WWOX: variants seen among roughly 807,000 people sequenced by gnomAD.
WWOX encodes the protein WW domain-containing oxidoreductase.
A neutral mutation model predicts 46.2 loss-of-function variants in WWOX; 69 were observed. The observed-to-expected ratio is 1.49, with a 90% confidence interval of 1.23 to 1.82. The LOEUF is 1.82. Ranked by LOEUF, WWOX falls within the 40% of genes most tolerant of loss-of-function variation. WWOX has a pLI of 0.00. For synonymous variants in WWOX, 359 were observed against 202.6 expected (o/e 1.77, Z -6.56); for missense variants, 919 against 542.6 (o/e 1.69, Z -6.89).
intron 8 of WWOX, among the ~76,000 whole-genome samples, chr16:78,900,361 C>T (rs965275459): frequency 3.3e-5 from 5 of 152,116 alleles, no homozygotes; most frequent in African/African-American, 4.8e-5. Flanking sequence ...AGTATGCACG[C>T]TCATATTATT....
At chr16:79,090,182 A>G (rs961579583) in intron 8 of WWOX, 3 of 152,102 alleles carry the variant, frequency 2.0e-5, no homozygotes, top group Non-Finnish European at 4.4e-5. Flanking sequence ...GAAGGCCCAT[A>G]AAAAGGGCTG....
intron 8 of WWOX, among the ~76,000 whole-genome samples, chr16:78,803,094 C>T (rs193112498): frequency 1.3e-5 from 2 of 151,674 alleles, no homozygotes; most frequent in Admixed American, 1.3e-4. Flanking sequence ...GTCTTGGAAT[C>T]AGTCATAGTT....
chr16:78,586,890 G>A (rs1334311985), intron 8 of WWOX, among the ~76,000 whole-genome samples: 1 of 152,078 alleles, frequency 6.6e-6, no homozygotes, highest in Non-Finnish European at 1.5e-5. Context: ...CATGTTGCAT[G>A]CCTTCATATC....
chr16:78,496,214 A>G (rs768316903), intron 8 of WWOX: 5 of 152,024 alleles, frequency 3.3e-5, no homozygotes, highest in Non-Finnish European at 7.4e-5. Flanking sequence ...TTGAAACACG[A>G]CTTCTGTCCT....
At position 78,617,551 on chromosome 16, in the gene WWOX, C is replaced by T. The variant is rs1181482812; in HGVS notation, c.1056+184799C>T. Among the ~76,000 whole-genome samples, 5 of 152,298 alleles carry T rather than the reference C, an allele frequency of 3.3e-5. No individual in the cohort carries two copies. The East Asian group carries it at 7.7e-4, about 23-fold the overall frequency. On this transcript the variant is annotated intron_variant, in intron 8 of 8. Coordinates refer to ENST00000566780, the MANE Select transcript of WWOX (RefSeq NM_016373.4). ...AAGAAGCCACATAAAGAAGCACCCA[C>T]GTCTTTCTCTGAGGACGTGCTTGTG...
intron 8 of WWOX, among the ~76,000 whole-genome samples, chr16:78,488,283 G>C (rs143390448): frequency 1.3e-5 from 2 of 152,236 alleles, no homozygotes; most frequent in Non-Finnish European, 1.5e-5. Flanking sequence ...GGATTATTCT[G>C]TGAGTCTTCC....
chr16:78,528,995 C>G (rs989470555), intron 8 of WWOX, among the ~76,000 whole-genome samples: 1 of 149,996 alleles, frequency 6.7e-6, no homozygotes, highest in East Asian at 2.0e-4. Flanking sequence ...GCTGTATTGC[C>G]CAGGCCGGAG....
chr16:78,854,322 A>G (rs2052519143), intron 8 of WWOX, among the ~76,000 whole-genome samples: 1 of 152,214 alleles, frequency 6.6e-6, no homozygotes. Context: ...AGTTTATCAA[A>G]TAGAATTCCT....
chr16:79,044,502 C>G (rs2052949499), intron 8 of WWOX, among the ~76,000 whole-genome samples: 1 of 152,198 alleles, frequency 6.6e-6, no homozygotes, highest in Admixed American at 6.5e-5. Flanking sequence ...CTGTCTCTTG[C>G]TCCTGCCCTG....
intron 8 of WWOX, among the ~76,000 whole-genome samples, chr16:78,634,789 T>C (rs1352848181): frequency 2.7e-5 from 4 of 147,762 alleles, no homozygotes; most frequent in Non-Finnish European, 4.4e-5. Context: ...GGGCCAATAG[T>C]TTAGAGGCTC....
At chr16:78,951,659 A>G (rs763002507) in intron 8 of WWOX, among the ~76,000 whole-genome samples, 9 of 152,190 alleles carry the variant, frequency 5.9e-5, no homozygotes, top group African/African-American at 2.2e-4. Flanking sequence ...TTGTTTTAGG[A>G]TCATTGCCAG....
chr16:79,142,416 A>T (rs1024216930), intron 8 of WWOX, among the ~76,000 whole-genome samples: 1 of 152,190 alleles, frequency 6.6e-6, no homozygotes, highest in African/African-American at 2.4e-5. Flanking sequence ...GCTTGATTTC[A>T]GCCATAGTGA....
chr16:78,436,576 A>C (rs1007648213), intron 8 of WWOX, among the ~76,000 whole-genome samples: 4 of 152,136 alleles, frequency 2.6e-5, no homozygotes, highest in African/African-American at 9.7e-5. Context: ...AGCGTTCTCT[A>C]TATTAGGTTG....
At chr16:79,013,677 A>C (rs2047357622) in intron 8 of WWOX, among the ~76,000 whole-genome samples, 1 of 152,166 alleles carries the variant, frequency 6.6e-6, no homozygotes, top group African/African-American at 2.4e-5. Context: ...TGGATACACT[A>C]ATCTACCCAA....
intron 8 of WWOX, among the ~76,000 whole-genome samples, chr16:78,781,042 G>A (rs746294397): frequency 1.3e-5 from 2 of 152,156 alleles, no homozygotes; most frequent in Non-Finnish European, 2.9e-5. Context: ...TTGGAAGATT[G>A]TTTTGCAGCT....
chr16:78,564,630 T>G (rs922946312), intron 8 of WWOX, among the ~76,000 whole-genome samples: 1 of 152,142 alleles, frequency 6.6e-6, no homozygotes, highest in Admixed American at 6.6e-5. Flanking sequence ...AATCTGAACC[T>G]CATATCTGAG....
At chr16:78,434,042 G>T (rs1337013276) in intron 8 of WWOX, among the ~76,000 whole-genome samples, 1 of 152,100 alleles carries the variant, frequency 6.6e-6, no homozygotes, top group East Asian at 1.9e-4. Context: ...GCCCGCCTCG[G>T]CCTCCCAAAG....
intron 8 of WWOX, among the ~76,000 whole-genome samples, chr16:79,036,010 C>T (rs962792418): frequency 6.6e-6 from 1 of 152,220 alleles, no homozygotes; most frequent in Non-Finnish European, 1.5e-5. Flanking sequence ...TCTATCTTTT[C>T]CGTTCCTCCT....
chr16:78,280,266 C>T (rs888577148), intron 5 of WWOX, among the ~76,000 whole-genome samples: 15 of 152,020 alleles, frequency 9.9e-5, no homozygotes, highest in African/African-American at 2.2e-4. Context: ...GCATGGCTGA[C>T]GTTATATATA....
Sources: gnomAD v4.1 joint callset for allele counts (sites outside exome capture counted in the v4.1 genomes callset) on GRCh38, gnomAD v4.1.1 for gene constraint, MANE v1.5 for transcripts, NCBI Gene and HGNC (gene_info 2026-07-23, HGNC 2026-07-21) for gene names.